The following PTBP2 variants were observed in gnomAD, a reference collection of about 807,000 sequenced individuals.
PTBP2 encodes polypyrimidine tract binding protein 2, also known as polypyrimidine tract-binding protein 2.
Under a neutral mutation model 61.4 loss-of-function variants are expected in PTBP2, and 13 were observed. That is an observed-to-expected ratio of 0.21 (90% CI 0.14 to 0.34). The LOEUF (loss-of-function observed/expected upper bound fraction) is 0.34. Among genes scored for constraint, PTBP2 ranks in the 10% least tolerant of loss-of-function variants. The pLI, the probability that PTBP2 is intolerant of heterozygous loss-of-function variation, is 1.00. For synonymous variants in PTBP2, 215 were observed against 218.5 expected (o/e 0.98, Z 0.14); for missense variants, 405 against 642.6 (o/e 0.63, Z 4.00).
intron 3 of PTBP2, among the ~76,000 whole-genome samples, chr1:96,764,608 TAGAA>T (rs746987230): frequency 6.6e-6 from 1 of 152,234 alleles, no homozygotes; most frequent in Non-Finnish European, 1.5e-5. Flanking sequence ...ACATTTTACT[TAGAA>T]CTCTTTTAAG....
chr1:96,787,265 G>T (rs1659311165), intron 8 of PTBP2, among the ~76,000 whole-genome samples: 1 of 152,004 alleles, frequency 6.6e-6, no homozygotes, highest in South Asian at 2.1e-4. Context: ...CAGGTGATCT[G>T]CCCGCCTCAG....
intron 5 of PTBP2, among the ~76,000 whole-genome samples, chr1:96,774,753 C>G (rs927915073): frequency 3.3e-5 from 5 of 152,138 alleles, no homozygotes; most frequent in Admixed American, 3.3e-4. Flanking sequence ...CAGTACGTAT[C>G]TTTCTCAAAT....
chr1:96,761,040 A>G (rs1292470960), intron 3 of PTBP2, among the ~76,000 whole-genome samples: 2 of 152,226 alleles, frequency 1.3e-5, no homozygotes, highest in African/African-American at 4.8e-5. Context: ...AAGAAACCAG[A>G]CAGACCTGAA....
chr1:96,761,271 C>G (rs1655814692), intron 3 of PTBP2, among the ~76,000 whole-genome samples: 1 of 151,310 alleles, frequency 6.6e-6, no homozygotes, highest in Non-Finnish European at 1.5e-5. Flanking sequence ...GTAGTTGTGT[C>G]TTGCTGTAAT....
At position 96,795,808 on chromosome 1, in the gene PTBP2, A is replaced by G. The variant is rs11165723; in HGVS notation, c.905-8992A>G. ...AAGTAAAGCAGGACCCAGTGGGGGG[A>G]GTGTTTGCAGTGAGGCAGTATGTAT... On this transcript the variant is annotated intron_variant, in intron 8 of 13. Transcript: ENST00000674951. Among the ~76,000 whole-genome samples, 822 of 152,154 alleles carry G rather than the reference A, an allele frequency of 5.4e-3. 53 individuals carry two copies. The East Asian group carries it at 0.14, about 26-fold the overall frequency.
chr1:96,759,977 C>T (rs558785280), intron 3 of PTBP2, among the ~76,000 whole-genome samples: 22 of 152,200 alleles, frequency 1.4e-4, no homozygotes, highest in Admixed American at 2.6e-4. Context: ...AGAGCTTGTG[C>T]GGGGAAACTC....
chr1:96,774,120 TA>T (rs10691287), intron 5 of PTBP2, among the ~76,000 whole-genome samples: 335 of 144,858 alleles, frequency 2.3e-3, no homozygotes, highest in African/African-American at 2.8e-3. Context: ...CACAGTCTCT[TA>T]AAAAAAAAAA....
intron 5 of PTBP2, among the ~76,000 whole-genome samples, chr1:96,772,825 G>T (rs1187545119): frequency 6.6e-6 from 1 of 151,916 alleles, no homozygotes; most frequent in Non-Finnish European, 1.5e-5. Flanking sequence ...AAAGAATAAA[G>T]CTGGGGGCTG....
Position 96,813,266 on chromosome 1 carries a change from G to T in PTBP2, c.1467-10G>T, listed in dbSNP as rs752335321. 1.3e-6 allele frequency: 2 copies of T among 1,588,600 alleles called. No individual in the cohort carries two copies. Among genetic ancestry groups the T allele is most frequent in the South Asian group, 1.2e-5 (1 of 85,570 alleles). On this transcript the variant is annotated splice_polypyrimidine_tract_variant and intron_variant, in intron 13 of 13. Coordinates refer to ENST00000674951, the MANE Select transcript of PTBP2 (RefSeq NM_021190.4). ...ATGAAGTGTCTAATTTTATAATTTT[G>T]TTTCAGAAGAGATCACAAAATGGCT... is the stretch of plus-strand genomic sequence containing the variant.
Position 96,784,253 on chromosome 1 carries a change from C to T in PTBP2, c.709-806C>T, listed in dbSNP as rs367695312. On this transcript the variant is annotated intron_variant, in intron 7 of 13. Coordinates refer to ENST00000674951, the MANE Select transcript of PTBP2 (RefSeq NM_021190.4). ...AGCGGTAACATAGTCCTTTATAATT[C>T]ATGATGTATTTTCACATATGTTGTC... Among the ~76,000 whole-genome samples, 5 of 152,096 alleles carry T rather than the reference C, an allele frequency of 3.3e-5. No individual in the cohort carries two copies. In the East Asian group the frequency reaches 9.7e-4, roughly 29 times the overall value.
At chr1:96,749,445 A>T (rs865933184) in intron 2 of PTBP2, among the ~76,000 whole-genome samples, 1 of 152,214 alleles carries the variant, frequency 6.6e-6, no homozygotes, top group Non-Finnish European at 1.5e-5. Flanking sequence ...TAAGGCATTG[A>T]CAATATTTTA....
chr1:96,762,621 G>A (rs1339204706), intron 3 of PTBP2, among the ~76,000 whole-genome samples: 7 of 148,662 alleles, frequency 4.7e-5, no homozygotes, highest in African/African-American at 1.7e-4. Context: ...GGGGCGGCCG[G>A]GCAGAGGCGC....
intron 8 of PTBP2, among the ~76,000 whole-genome samples, chr1:96,785,858 C>A (rs551401318): frequency 1.8e-4 from 27 of 152,098 alleles, no homozygotes; most frequent in African/African-American, 6.5e-4. Context: ...TGGACTTGAG[C>A]CACCTAATAA....
At chr1:96,762,877 G>C (rs894948898) in intron 3 of PTBP2, among the ~76,000 whole-genome samples, 7 of 151,452 alleles carry the variant, frequency 4.6e-5, no homozygotes, top group Admixed American at 3.3e-4. Context: ...CGGCCGGGCC[G>C]AGACGCTCCT....
intron 2 of PTBP2, among the ~76,000 whole-genome samples, chr1:96,736,471 T>TA (rs1652197819): frequency 6.6e-6 from 1 of 152,122 alleles, no homozygotes; most frequent in Non-Finnish European, 1.5e-5. Context: ...TGTTGTCAGT[T>TA]ACAGTAGCTA....
intron 3 of PTBP2, among the ~76,000 whole-genome samples, chr1:96,760,464 T>TG (rs1553178020): frequency 2.1e-5 from 3 of 142,824 alleles, no homozygotes; most frequent in Admixed American, 7.0e-5. Flanking sequence ...TTTTTTTTTT[T>TG]GAGACAGAGT....
chr1:96,769,633 T>A (rs1179869328), intron 3 of PTBP2, 70 bp from the exon 4 acceptor site: 15 of 1,170,512 alleles, frequency 1.3e-5, no homozygotes, highest in African/African-American at 3.2e-5. Context: ...GTAGTTTTTT[T>A]ACACAAATAG....
At chr1:96,723,631 A>T in intron 2 of PTBP2, 37 bp downstream of exon 2, 1 of 1,527,684 alleles carries the variant, frequency 6.5e-7, no homozygotes, top group Non-Finnish European at 8.9e-7. Context: ...GGATTGTTGG[A>T]TCTATTATCA....
At chr1:96,752,270 CATT>C (rs1368268370) in intron 3 of PTBP2, among the ~76,000 whole-genome samples, 1 of 152,008 alleles carries the variant, frequency 6.6e-6, no homozygotes, top group Non-Finnish European at 1.5e-5. Context: ...CCACATTTTA[CATT>C]ATTTACCTGA....
Sources: gnomAD v4.1 joint callset for allele counts (sites outside exome capture counted in the v4.1 genomes callset) on GRCh38, gnomAD v4.1.1 for gene constraint, MANE v1.5 for transcripts, NCBI Gene and HGNC (gene_info 2026-07-23, HGNC 2026-07-21) for gene names.